The following CTTNBP2NL variants were observed in gnomAD, a reference collection of about 807,000 sequenced individuals.
The protein encoded by CTTNBP2NL is CTTNBP2 N-terminal like.
In CTTNBP2NL, 16 loss-of-function variants were observed where a neutral mutation model predicts 32.5. That is an observed-to-expected ratio of 0.49 (90% confidence interval 0.33 to 0.75). The LOEUF (loss-of-function observed/expected upper bound fraction) is 0.75. Among genes scored for constraint, CTTNBP2NL ranks in the 30% least tolerant of loss-of-function variants. The pLI, the probability that CTTNBP2NL is intolerant of heterozygous loss-of-function variation, is 0.02. For missense variants in CTTNBP2NL, 645 were observed against 756.0 expected (o/e 0.85, Z 1.72); for synonymous variants, 298 against 289.4 (o/e 1.03, Z -0.30).
intron 3 of CTTNBP2NL, among the ~76,000 whole-genome samples, chr1:112,444,288 T>C (rs1649974227): frequency 6.6e-6 from 1 of 152,218 alleles, no homozygotes; most frequent in Non-Finnish European, 1.5e-5. Context: ...TACTTTAAGA[T>C]TGGAATATAC....
chr1:112,397,034 A>G (rs1472664505), intron 1 of CTTNBP2NL, among the ~76,000 whole-genome samples: 1 of 152,026 alleles, frequency 6.6e-6, no homozygotes, highest in Non-Finnish European at 1.5e-5. Context: ...ATTGCGTTTC[A>G]TTTTTCCTTT....
At chr1:112,411,619 G>A (rs1648869024) in intron 1 of CTTNBP2NL, among the ~76,000 whole-genome samples, 1 of 152,106 alleles carries the variant, frequency 6.6e-6, no homozygotes, top group Non-Finnish European at 1.5e-5. Flanking sequence ...GGATTGTTGG[G>A]AGGTGAGGAG....
At chr1:112,419,504 T>TATGATCATATAGTGGTTA (rs1649161482) in intron 3 of CTTNBP2NL, among the ~76,000 whole-genome samples, 1 of 152,122 alleles carries the variant, frequency 6.6e-6, no homozygotes, top group Non-Finnish European at 1.5e-5. Flanking sequence ...GTTAGTACTC[T>TATGATCATATAGTGGTTA]GTGTTGTGCC....
chr1:112,401,296 G>C (rs531276112), intron 1 of CTTNBP2NL, among the ~76,000 whole-genome samples: 1 of 152,244 alleles, frequency 6.6e-6, no homozygotes, highest in East Asian at 1.9e-4. Context: ...ATTTTTAGGA[G>C]AGTGTGTATC....
intron 1 of CTTNBP2NL, among the ~76,000 whole-genome samples, chr1:112,410,031 A>G (rs761390944): frequency 1.1e-4 from 17 of 152,214 alleles, no homozygotes; most frequent in Admixed American, 6.5e-4. Flanking sequence ...TCATGGTGGG[A>G]TGAAACCTGT....
chr1:112,409,127 C>CAAAAA (rs36002206), intron 1 of CTTNBP2NL, among the ~76,000 whole-genome samples: 26 of 80,066 alleles, frequency 3.2e-4, no homozygotes, highest in Non-Finnish European at 4.4e-4. Flanking sequence ...GACTCTGTCT[C>CAAAAA]AAAAAAAAAA....
chr1:112,423,636 A>G (rs1046014976), intron 3 of CTTNBP2NL, among the ~76,000 whole-genome samples: 2 of 151,736 alleles, frequency 1.3e-5, no homozygotes, highest in Non-Finnish European at 1.5e-5. Context: ...TTAAGAAAAG[A>G]TACTTAACCT....
chr1:112,403,189 A>T (rs1214452801), intron 1 of CTTNBP2NL, among the ~76,000 whole-genome samples: 1 of 151,974 alleles, frequency 6.6e-6, no homozygotes, highest in Non-Finnish European at 1.5e-5. Flanking sequence ...ATGCTGTTAA[A>T]TTTTTTTCCC....
intron 1 of CTTNBP2NL, among the ~76,000 whole-genome samples, chr1:112,408,717 G>T (rs1330322329): frequency 1.3e-5 from 2 of 152,074 alleles, no homozygotes; most frequent in African/African-American, 4.8e-5. Flanking sequence ...TTTAAGAAAA[G>T]TACATGATCT....
upstream of CTTNBP2NL, among the ~76,000 whole-genome samples, chr1:112,393,387 T>A (rs553627751): frequency 6.6e-6 from 1 of 152,316 alleles, no homozygotes; most frequent in South Asian, 2.1e-4. Context: ...AATCTATAAT[T>A]TTTAAGCACT....
At chr1:112,445,417 G>A (rs1421655507) in intron 3 of CTTNBP2NL, among the ~76,000 whole-genome samples, 1 of 152,038 alleles carries the variant, frequency 6.6e-6, no homozygotes, top group Non-Finnish European at 1.5e-5. Context: ...TGTTAAACCT[G>A]TAATCCATAT....
intron 4 of CTTNBP2NL, among the ~76,000 whole-genome samples, chr1:112,449,878 C>G (rs546768004): frequency 1.4e-4 from 22 of 152,216 alleles, no homozygotes; most frequent in African/African-American, 4.1e-4. Context: ...CTAACAAGCC[C>G]TAAGAAGGCA....
intron 3 of CTTNBP2NL, among the ~76,000 whole-genome samples, chr1:112,430,700 C>A (rs571097371): frequency 6.6e-6 from 1 of 151,966 alleles, no homozygotes; most frequent in African/African-American, 2.4e-5. Context: ...ACTACAGGTG[C>A]GTGCCACCTT....
chr1:112,417,467 C>T (rs1456077465), intron 3 of CTTNBP2NL, among the ~76,000 whole-genome samples: 1 of 152,118 alleles, frequency 6.6e-6, no homozygotes, highest in Non-Finnish European at 1.5e-5. Context: ...ACATGTTTTC[C>T]TAAAATATAT....
intron 3 of CTTNBP2NL, among the ~76,000 whole-genome samples, chr1:112,426,794 C>G (rs1649417692): frequency 1.3e-5 from 2 of 151,910 alleles, no homozygotes; most frequent in African/African-American, 4.8e-5. Flanking sequence ...TTACTATAGA[C>G]AAGGTTTCAC....
chr1:112,431,710 T>G (rs1187704680), intron 3 of CTTNBP2NL, among the ~76,000 whole-genome samples: 2 of 152,198 alleles, frequency 1.3e-5, no homozygotes, highest in Non-Finnish European at 2.9e-5. Context: ...TATACTTTTT[T>G]TAATGAGAAA....
chr1:112,432,575 A>T (rs536015653), intron 3 of CTTNBP2NL, among the ~76,000 whole-genome samples: 3 of 152,006 alleles, frequency 2.0e-5, no homozygotes, highest in Non-Finnish European at 4.4e-5. Context: ...TTCTTTTCTT[A>T]TACCACCCTA....
intron 1 of CTTNBP2NL, among the ~76,000 whole-genome samples, chr1:112,401,770 G>T (rs185607741): frequency 6.6e-6 from 1 of 152,110 alleles, no homozygotes; most frequent in Admixed American, 6.5e-5. Context: ...AATGCAATGC[G>T]CTGTAATATG....
intron 3 of CTTNBP2NL, among the ~76,000 whole-genome samples, chr1:112,440,875 G>A (rs553129137): frequency 3.3e-5 from 5 of 152,110 alleles, no homozygotes; most frequent in African/African-American, 1.2e-4. Context: ...ACACTGTTTC[G>A]CAGGCAATAA....
Sources: gnomAD v4.1 joint callset for allele counts (sites outside exome capture counted in the v4.1 genomes callset) on GRCh38, gnomAD v4.1.1 for gene constraint, MANE v1.5 for transcripts, NCBI Gene and HGNC (gene_info 2026-07-23, HGNC 2026-07-21) for gene names.